Variants in ARHGEF1 observed in about 807,000 individuals in gnomAD.
The protein encoded by ARHGEF1 is Rho guanine nucleotide exchange factor 1, also known as 115 kDa guanine nucleotide exchange factor.
Under a neutral mutation model 119.7 loss-of-function variants are expected in ARHGEF1, and 40 were observed. That is an observed-to-expected ratio of 0.33 (90% CI 0.26 to 0.44). The LOEUF (loss-of-function observed/expected upper bound fraction) is 0.44, where lower values mean the gene tolerates loss of function less well. Ranked by LOEUF, ARHGEF1 falls within the 20% of genes least tolerant of loss-of-function variation. The pLI, the probability that ARHGEF1 is intolerant of heterozygous loss-of-function variation, is 1.00. For synonymous variants in ARHGEF1, 494 were observed against 521.0 expected (o/e 0.95, Z 0.71); for missense variants, 976 against 1,268.3 (o/e 0.77, Z 3.50).
intron 1 of ARHGEF1, among the ~76,000 whole-genome samples, chr19:41,925,469 TGA>T (rs1555853176): frequency 6.6e-6 from 1 of 151,806 alleles, no homozygotes; most frequent in African/African-American, 2.4e-5. Context: ...TGAGAGACAG[TGA>T]GAGACCAGGA....
At chr19:41,920,022 G>GTAA (rs2074829393), upstream of ARHGEF1, among the ~76,000 whole-genome samples, 1 of 101,114 alleles carries the variant, frequency 9.9e-6, no homozygotes, top group Non-Finnish European at 1.9e-5. Context: ...CAGACATGAC[G>GTAA]CGCTCACAGA....
At chr19:41,924,214 T>C (rs1231042583) in intron 1 of ARHGEF1, among the ~76,000 whole-genome samples, 6 of 151,502 alleles carry the variant, frequency 4.0e-5, no homozygotes, top group South Asian at 2.1e-4. Context: ...GGTGTGTCTG[T>C]GGAGGGAGGA....
chr19:41,914,399 T>A (rs1347055136), intron 18 of ARHGEF1, among the ~76,000 whole-genome samples: 2 of 150,682 alleles, frequency 1.3e-5, no homozygotes, highest in Non-Finnish European at 3.0e-5. Flanking sequence ...GCCCTCTCCC[T>A]CTCGTCTCCA....
intron 18 of ARHGEF1, among the ~76,000 whole-genome samples, chr19:41,912,622 T>G (rs2074759836): frequency 6.6e-6 from 1 of 152,026 alleles, no homozygotes; most frequent in Non-Finnish European, 1.5e-5. Context: ...TTCCGTACCC[T>G]CCCAGAAGAC....
intron 1 of ARHGEF1, among the ~76,000 whole-genome samples, chr19:41,884,909 G>T (rs1314476024): frequency 6.6e-6 from 1 of 152,156 alleles, no homozygotes; most frequent in Non-Finnish European, 1.5e-5. Context: ...GACCCACTGT[G>T]TGTCAAATAG....
intron 13 of ARHGEF1, chr19:41,896,988 T>C: frequency 2.5e-6 from 1 of 406,546 alleles, no homozygotes; most frequent in Non-Finnish European, 4.8e-6. Context: ...CACTCCTCTC[T>C]CACCTGGGTT....
intron 1 of ARHGEF1, chr19:41,928,231 G>C (rs2074883689): frequency 6.6e-6 from 1 of 152,172 alleles, no homozygotes; most frequent in African/African-American, 2.4e-5. Context: ...GCCGGGACAG[G>C]AGAGACTCAG....
At chr19:41,928,759 G>C in intron 1 of ARHGEF1, 1 of 360,520 alleles carries the variant, frequency 2.8e-6, no homozygotes, top group South Asian at 2.0e-5. Flanking sequence ...GGGTGGGGCG[G>C]GGGTGGGTGG....
At chr19:41,914,353 C>T (rs1193250865) in intron 18 of ARHGEF1, among the ~76,000 whole-genome samples, 1 of 151,260 alleles carries the variant, frequency 6.6e-6, no homozygotes, top group Non-Finnish European at 1.5e-5. Context: ...TTCTGTCTCT[C>T]TCCTCCACCA....
intron 1 of ARHGEF1, among the ~76,000 whole-genome samples, chr19:41,925,359 G>A (rs559818883): frequency 6.6e-6 from 1 of 152,228 alleles, no homozygotes; most frequent in African/African-American, 2.4e-5. Flanking sequence ...GTACCTGAGG[G>A]ACAGGTGTGG....
chr19:41,928,386 A>G (rs1305788618), intron 1 of ARHGEF1: 2 of 153,330 alleles, frequency 1.3e-5, no homozygotes, highest in African/African-American at 4.8e-5. Flanking sequence ...GGAGCTCAGC[A>G]CAGCGAGCGC....
In ARHGEF1 at chr19:41,895,340, T is replaced by C; in HGVS notation, c.878-9T>C. The C allele has an allele frequency of 1.3e-6, 2 of 1,598,560 alleles. No individual in the cohort carries two copies. The highest frequency in any genetic ancestry group is 2.2e-5 in the East Asian group (1 of 44,460). On this transcript the variant is annotated splice_polypyrimidine_tract_variant and intron_variant, in intron 11 of 28. Transcript: ENST00000354532. ...TTATCTCCCTCTTTCTCCCTCACTGTCTCCCCAGCCGAGAAGCCAGGTGCT... is the reference window on the plus strand; with the variant it reads ...TTATCTCCCTCTTTCTCCCTCACTGCCTCCCCAGCCGAGAAGCCAGGTGCT...
upstream of ARHGEF1, among the ~76,000 whole-genome samples, chr19:41,921,141 G>A (rs1281750814): frequency 3.3e-5 from 5 of 152,026 alleles, no homozygotes; most frequent in African/African-American, 1.2e-4. The surrounding 1 kb of genome is among the most constrained non-coding windows in gnomAD (Gnocchi z 4.4). Flanking sequence ...GAGGGAGGGT[G>A]GAGGCGCCAC....
downstream of ARHGEF1, chr19:41,907,853 TG>T (rs11315010): frequency 0.23 from 32,673 of 141,168 alleles, 10,313 homozygotes; most frequent in African/African-American, 0.73. Context: ...GGGGCCTATA[TG>T]GGGGGGGTGT....
At chr19:41,912,270 A>C (rs569937800), downstream of ARHGEF1, among the ~76,000 whole-genome samples, 1 of 152,308 alleles carries the variant, frequency 6.6e-6, no homozygotes, top group East Asian at 1.9e-4. Flanking sequence ...ACACACTGAA[A>C]TGAGACCCCA....
In ARHGEF1 at chr19:41,904,146, G is replaced by A; in HGVS notation, c.1993+36G>A. The A allele has an allele frequency of 6.2e-7, 1 of 1,613,878 alleles. No homozygotes were observed. ...GAGCAGCTGCCTAGTGCAGGGTGTT[G>A]GGGCAGTGAGCCAAGGGCGGGGAGG... On this transcript the variant is annotated intron_variant, in intron 21 of 28. Transcript: ENST00000354532. This position sits in a 1 kb window ranked among gnomAD's most constrained non-coding sequence, Gnocchi z 8.4.
At chr19:41,920,165 A>ATT (rs1416436766), upstream of ARHGEF1, among the ~76,000 whole-genome samples, 5 of 105,788 alleles carry the variant, frequency 4.7e-5, no homozygotes, top group African/African-American at 3.1e-4. Context: ...GACATGATGC[A>ATT]CTCAGACATG....
chr19:41,903,720 A>G lies in ARHGEF1; in HGVS notation c.1853A>G (p.Tyr618Cys), dbSNP rs199766882. The G allele has an allele frequency of 4.9e-5, 79 of 1,613,024 alleles. 1 individual carries two copies. The Middle Eastern group carries it at 1.5e-3, about 30-fold the overall frequency. ...DMEDLLRLKDYQRRLDLSHLR... is the reference protein window; with the variant it reads ...DMEDLLRLKDCQRRLDLSHLR... ...TCTCTGCCCCAGAGGCTCAAGGACT[A>G]TCAGCGGCGCCTGGACTTGTCCCAC... The change falls in exon 20 of 29, where the codon TAT becomes TGT. Residue 618 changes from tyrosine to cysteine, a missense_variant. Around this residue, in one of 3 missense-constraint regions of ARHGEF1, gnomAD observed 286 missense variants for 506.8 expected, o/e 0.56. Transcript: ENST00000354532. The surrounding 1 kb of genome is among the most constrained non-coding windows in gnomAD (Gnocchi z 4.2).
chr19:41,905,052 A>G lies in ARHGEF1; in HGVS notation c.2249+16A>G. 6.2e-7 allele frequency: 1 copy of G among 1,613,776 alleles called. No homozygotes were observed. Among genetic ancestry groups the G allele is most frequent in the Non-Finnish European group, 8.5e-7 (1 of 1,179,730 alleles). On this transcript the variant is annotated intron_variant, in intron 23 of 28. Coordinates refer to ENST00000354532, the MANE Select transcript of ARHGEF1 (RefSeq NM_004706.4). The surrounding 1 kb of genome is among the most constrained non-coding windows in gnomAD (Gnocchi z 6.4). ...AGCGGAAAAAGTGAGGGGGGGTCTG[A>G]GTTCTGAGTGTGGGTGGAGGACGCC...
Sources: gnomAD v4.1 joint callset for allele counts (sites outside exome capture counted in the v4.1 genomes callset) on GRCh38, gnomAD v4.1.1 for gene constraint, gnomAD v4.1.1 regional missense constraint, Gnocchi (gnomAD v3.1) non-coding constraint, MANE v1.5 for transcripts, NCBI Gene and HGNC (gene_info 2026-07-23, HGNC 2026-07-21) for gene names.